Variants in STK4 observed in about 807,000 individuals in gnomAD.
The protein encoded by STK4 is serine/threonine-protein kinase 4.
A neutral mutation model predicts 64.9 loss-of-function variants in STK4; 30 were observed. The ratio of observed to expected loss-of-function variants is 0.46; its 90% CI spans 0.35 to 0.63. The LOEUF is 0.63. Ranked by LOEUF, STK4 falls within the 20% of genes least tolerant of loss-of-function variation. STK4 has a pLI of 0.01. For missense variants in STK4, 466 were observed against 598.5 expected (o/e 0.78, Z 2.31); for synonymous variants, 177 against 199.0 (o/e 0.89, Z 0.93).
At chr20:45,023,821 C>A (rs900089231) in intron 9 of STK4, among the ~76,000 whole-genome samples, 6 of 151,758 alleles carry the variant, frequency 4.0e-5, no homozygotes, top group African/African-American at 1.5e-4. Flanking sequence ...CCTGACCACA[C>A]AGCATGCAAG....
At chr20:44,996,071 T>C (rs1351731740) in intron 6 of STK4, among the ~76,000 whole-genome samples, 2 of 152,210 alleles carry the variant, frequency 1.3e-5, no homozygotes, top group Admixed American at 1.3e-4. Context: ...TTTGAACTCA[T>C]GTCACTGAAA....
At chr20:45,007,439 C>T (rs1568715290) in intron 9 of STK4, among the ~76,000 whole-genome samples, 1 of 152,160 alleles carries the variant, frequency 6.6e-6, no homozygotes, top group South Asian at 2.1e-4. Context: ...CCCAGCTACT[C>T]GGAAGGCTGA....
In STK4 at chr20:45,007,671, A is replaced by G. The variant is rs117175133; in HGVS notation, c.1147+6318A>G. The G allele has an allele frequency of 5.4e-3, 1,554 of 290,264 alleles. 12 individuals are homozygous for G. The highest frequency in any genetic ancestry group is 8.9e-3 in the Non-Finnish European group (1,299 of 146,332). The allele number at this position is 290,264 out of a possible 1,614,324, so 18.0% of individuals were successfully genotyped here. On this transcript the variant is annotated intron_variant, in intron 9 of 10. Coordinates refer to ENST00000372806, the MANE Select transcript of STK4 (RefSeq NM_006282.5). Reference sequence around the variant, plus strand: ...GCGTTAGATCCATAATAGAAAACTCATCATAGTTATGGTGATTCTGGTGCT... The same window carrying G: ...GCGTTAGATCCATAATAGAAAACTCGTCATAGTTATGGTGATTCTGGTGCT...
intron 5 of STK4, among the ~76,000 whole-genome samples, chr20:44,992,029 G>A (rs2067644363): frequency 6.6e-6 from 1 of 151,824 alleles, no homozygotes; most frequent in African/African-American, 2.4e-5. Flanking sequence ...TGTTAAAATT[G>A]TTACTCCTAT....
chr20:45,007,796 G>C, intron 9 of STK4: 1 of 422,442 alleles, frequency 2.4e-6, no homozygotes, highest in Non-Finnish European at 4.7e-6. Flanking sequence ...TACATACAGG[G>C]GGTACATGTG....
rs2067816300 is a variant in STK4 at position 45,000,452 on chromosome 20, A to G, written c.892A>G (p.Met298Val). The change falls in exon 8 of 11, where the codon ATG (methionine) becomes GTG (valine). Residue 298 changes from methionine to valine, a missense_variant. Met to Val is a conservative substitution (Grantham distance 21). Coordinates refer to ENST00000372806, the MANE Select transcript of STK4 (RefSeq NM_006282.5). ...ACTGCGAGACTTAATTAATGAAGCC[A>G]TGGATGTGAAACTGAAACGCCAGGA... ...SILRDLINEA[M>V]DVKLKRQESQ... 6.2e-7 allele frequency: 1 copy of G among 1,613,964 alleles called. No individual in the cohort carries two copies. The highest frequency in any genetic ancestry group is 8.5e-7 in the Non-Finnish European group (1 of 1,179,904).
chr20:44,992,669 G>T (rs185697455), intron 5 of STK4, among the ~76,000 whole-genome samples: 41 of 152,036 alleles, frequency 2.7e-4, no homozygotes, highest in Admixed American at 2.5e-3. Context: ...ACCATGCCTG[G>T]CTAATGTACT....
At chr20:45,057,900 T>C (rs1356270142) in intron 10 of STK4, among the ~76,000 whole-genome samples, 3 of 152,184 alleles carry the variant, frequency 2.0e-5, no homozygotes, top group African/African-American at 7.2e-5. Flanking sequence ...AATTAAACAG[T>C]TGCCGAAAAG....
At chr20:45,024,241 A>T (rs1440665316) in intron 9 of STK4, among the ~76,000 whole-genome samples, 4 of 151,944 alleles carry the variant, frequency 2.6e-5, no homozygotes, top group African/African-American at 7.2e-5. Flanking sequence ...AGAAGTAAAT[A>T]AAATCACCAA....
intron 1 of STK4, among the ~76,000 whole-genome samples, chr20:44,968,966 A>C (rs984085645): frequency 1.3e-5 from 2 of 152,152 alleles, no homozygotes; most frequent in African/African-American, 4.8e-5. Context: ...AAATCAAGGC[A>C]TTGTCAGAGT....
intron 9 of STK4, among the ~76,000 whole-genome samples, chr20:45,014,473 T>C (rs6031931): frequency 0.5 from 76,570 of 151,978 alleles, 20,071 homozygotes; most frequent in African/African-American, 0.61. Context: ...TTATACTTGA[T>C]GTAGAAAGAA....
At chr20:45,046,461 G>A (rs910088461) in intron 10 of STK4, among the ~76,000 whole-genome samples, 14 of 148,606 alleles carry the variant, frequency 9.4e-5, no homozygotes, top group Non-Finnish European at 1.5e-4. Flanking sequence ...AAAAAAAAAA[G>A]CAAATATAAC....
chr20:45,072,400 C>A (rs1196424060), intron 10 of STK4, among the ~76,000 whole-genome samples: 1 of 152,112 alleles, frequency 6.6e-6, no homozygotes, highest in South Asian at 2.1e-4. Flanking sequence ...GCAAGTCTAC[C>A]CTCCTAATTC....
Position 44,997,150 on chromosome 20 carries a change from GT to G in STK4, c.694-16del, listed in dbSNP as rs2067746000. 1 of 1,611,898 alleles carries G rather than the reference GT, an allele frequency of 6.2e-7. No individual in the cohort carries two copies. The highest frequency in any genetic ancestry group is 1.3e-5 in the African/African-American group (1 of 74,752). On this transcript the variant is annotated intron_variant, in intron 6 of 10. Transcript: ENST00000372806. ...TTTATTTTACCAGATCTTTTTGTTT[GT>G]TTGTTTGTTCTAACCAGGCAATCTT...
chr20:45,024,572 T>TA (rs1252703834), intron 9 of STK4, among the ~76,000 whole-genome samples: 1 of 152,176 alleles, frequency 6.6e-6, no homozygotes, highest in African/African-American at 2.4e-5. Context: ...TAAATGCCTA[T>TA]AGAGAATATT....
intron 1 of STK4, 132 bp downstream of exon 1, chr20:44,966,735 G>T: frequency 1.0e-6 from 1 of 993,758 alleles, no homozygotes; most frequent in Non-Finnish European, 1.3e-6. Flanking sequence ...TGCTGAGTGA[G>T]GGGGGGGACG....
At chr20:45,021,085 G>A (rs1306587474) in intron 9 of STK4, among the ~76,000 whole-genome samples, 1 of 152,080 alleles carries the variant, frequency 6.6e-6, no homozygotes, top group Non-Finnish European at 1.5e-5. Context: ...CTCCAAAGTG[G>A]TGGGATTACA....
At chr20:45,051,786 G>A (rs2068781099) in intron 10 of STK4, among the ~76,000 whole-genome samples, 1 of 152,180 alleles carries the variant, frequency 6.6e-6, no homozygotes, top group African/African-American at 2.4e-5. Context: ...TGCAGGCAGG[G>A]AGACAGATTA....
chr20:45,017,166 G>A (rs932691014), intron 9 of STK4, among the ~76,000 whole-genome samples: 2 of 152,150 alleles, frequency 1.3e-5, no homozygotes, highest in African/African-American at 4.8e-5. Flanking sequence ...AAAACCAAAT[G>A]AGGCATTCAC....
Sources: allele counts gnomAD v4.1 joint callset (sites outside exome capture counted in the v4.1 genomes callset), GRCh38; gene constraint gnomAD v4.1.1; transcripts MANE v1.5; gene names NCBI Gene and HGNC (gene_info 2026-07-23, HGNC 2026-07-21).